The following ORMDL2 variants were observed in gnomAD, a reference collection of about 807,000 sequenced individuals.
ORMDL2 encodes the protein ORM1-like protein 2.
ORMDL2 carries 11 observed loss-of-function variants against 13.5 expected under a neutral mutation model. The ratio of observed to expected loss-of-function variants is 0.82; its 90% CI spans 0.51 to 1.35. The LOEUF (loss-of-function observed/expected upper bound fraction) is 1.35. ORMDL2 is among the 40% of genes most tolerant of loss of function. The probability of loss-of-function intolerance (pLI) is 0.00; values close to 1 mark genes in which losing one functional copy is unlikely to be tolerated. For missense variants in ORMDL2, 160 were observed against 191.1 expected (o/e 0.84, Z 0.96); for synonymous variants, 73 against 76.5 (o/e 0.95, Z 0.24).
chr12:55,821,512 G>C lies in ORMDL2; in HGVS notation c.*1117G>C, dbSNP rs1441949093. On this transcript the variant is annotated 3_prime_UTR_variant, in exon 4 of 4. Coordinates refer to ENST00000243045, the MANE Select transcript of ORMDL2 (RefSeq NM_014182.5). The stretch of plus-strand genomic sequence containing the variant: ...TGTCCAGCCCAGGTCCAGGCCCTAG[G>C]TTCTTTACTCTAGCTACCCCCTATT... 6.5e-6 allele frequency: 1 copy of C among 153,626 alleles called. No individual in the cohort carries two copies. Among genetic ancestry groups the C allele is most frequent in the Non-Finnish European group, 1.5e-5 (1 of 68,850 alleles). The allele number at this position is 153,626 out of a possible 1,614,324, so 9.5% of individuals were successfully genotyped here.
rs1219137583 is a variant in ORMDL2, at chr12:55,818,132, T to TA, written c.-2+22dup. ...TGGCAGGTAGGAGCTGCAAAGACTG[T>TA]AAGGGTTGCTGAGGAAAAATGGTGG... On this transcript the variant is annotated intron_variant, in intron 1 of 3. Coordinates refer to ENST00000243045, the MANE Select transcript of ORMDL2 (RefSeq NM_014182.5). The TA allele has an allele frequency of 4.5e-5, 21 of 469,068 alleles. No individual in the cohort carries two copies. The highest frequency in any genetic ancestry group is 3.6e-4 in the African/African-American group (18 of 50,606). The allele number at this position is 469,068 out of a possible 1,614,324, so 29.1% of individuals were successfully genotyped here.
In ORMDL2 at chr12:55,820,368, T is replaced by G. The variant is rs1880634057; in HGVS notation, c.435T>G (p.Val145=). ...CGAAGTTGCCCCAGTTCCATGGGGT[T>G]CGTGTCTTTGGCATCAACAAATACT... The part of the protein sequence containing the change: ...LLPKLPQFHG[V]RVFGINKY The change falls in exon 4 of 4, where the codon GTT becomes GTG. Residue 145 remains valine (V), a synonymous_variant. Coordinates refer to ENST00000243045, the MANE Select transcript of ORMDL2 (RefSeq NM_014182.5). The G allele has an allele frequency of 1.2e-6, 2 of 1,614,120 alleles. No individual in the cohort carries two copies. Among genetic ancestry groups the G allele is most frequent in the Non-Finnish European group, 1.7e-6 (2 of 1,180,058 alleles).
Position 55,820,057 on chromosome 12 carries a change from T to C in ORMDL2, c.327-203T>C, listed in dbSNP as rs576139170. ...AGAAAGAGCAGGGCACTGTGGTGCATGCCTGGAGTCCCAGCTACTTGGGAG... is the reference window on the plus strand; with the variant it reads ...AGAAAGAGCAGGGCACTGTGGTGCACGCCTGGAGTCCCAGCTACTTGGGAG... On this transcript the variant is annotated intron_variant, in intron 3 of 3. Coordinates refer to ENST00000243045, the MANE Select transcript of ORMDL2 (RefSeq NM_014182.5). 1.2e-4 allele frequency among the ~76,000 whole-genome samples: 19 copies of C among 152,362 alleles called. No individual in the cohort carries two copies. The South Asian group carries it at 3.9e-3, about 32-fold the overall frequency.
chr12:55,820,240 C>G lies in ORMDL2; in HGVS notation c.327-20C>G. Reference sequence around the variant, plus strand: ...ATAGAGAAGGTCAACCTCACTCACCCTATTTTTTTCTCTCCCCAGCTATCT... The same window carrying G: ...ATAGAGAAGGTCAACCTCACTCACCGTATTTTTTTCTCTCCCCAGCTATCT... On this transcript the variant is annotated intron_variant, in intron 3 of 3. Coordinates refer to ENST00000243045, the MANE Select transcript of ORMDL2 (RefSeq NM_014182.5). The G allele has an allele frequency of 1.2e-6, 2 of 1,601,724 alleles. No homozygotes were observed. The highest frequency in any genetic ancestry group is 1.7e-6 in the Non-Finnish European group (2 of 1,170,492).
In ORMDL2 at chr12:55,819,314, C is replaced by A. The variant is rs1460649878; in HGVS notation, c.175-28C>A. The stretch of plus-strand genomic sequence containing the variant: ...TTGACTGAAAAACTACTTTCTGCCC[C>A]TCACACTGCCACCTTCCCTGTTCCC... On this transcript the variant is annotated intron_variant, in intron 2 of 3. Coordinates refer to ENST00000243045, the MANE Select transcript of ORMDL2 (RefSeq NM_014182.5). The A allele has an allele frequency of 1.9e-6, 3 of 1,604,410 alleles. No homozygotes were observed. In the Admixed American group the frequency reaches 5.1e-5, roughly 27 times the overall value.
In ORMDL2 at chr12:55,821,340, C is replaced by T. The variant is rs1592591683; in HGVS notation, c.*945C>T. On this transcript the variant is annotated 3_prime_UTR_variant, in exon 4 of 4. Coordinates refer to ENST00000243045, the MANE Select transcript of ORMDL2 (RefSeq NM_014182.5). ...TATTATATCAGGATAAAGGAGAGGG[C>T]TCCCTCCTGAAATGGGTCAAGAAAG... 6.6e-6 allele frequency: 1 copy of T among 152,606 alleles called. No homozygotes were observed. Among genetic ancestry groups the T allele is most frequent in the East Asian group, 1.9e-4 (1 of 5,198 alleles). The allele number at this position is 152,606 out of a possible 1,614,324, so 9.5% of individuals were successfully genotyped here.
intron 1 of ORMDL2, chr12:55,818,407 T>C: frequency 3.8e-6 from 1 of 259,806 alleles, no homozygotes; most frequent in South Asian, 3.5e-5. Context: ...GAGCCAAGGC[T>C]CCACCTTTCG....
chr12:55,820,356 G>A lies in ORMDL2; in HGVS notation c.423G>A (p.Gln141=). Residue 141 remains glutamine, a synonymous_variant, in exon 4 of 4, where the codon CAG becomes CAA. Transcript: ENST00000243045. ...LLSVLLPKLP[Q]FHGVRVFGIN... ...GTGTACTGCTGCCGAAGTTGCCCCA[G>A]TTCCATGGGGTTCGTGTCTTTGGCA... 6.2e-7 allele frequency: 1 copy of A among 1,614,188 alleles called. No homozygotes were observed. The highest frequency in any genetic ancestry group is 8.5e-7 in the Non-Finnish European group (1 of 1,180,044).
chr12:55,821,289 T>C lies in ORMDL2; in HGVS notation c.*894T>C, dbSNP rs1346180196. ...TGCGATAATCTCCTATCATTAGGGCTACATGCTTTCTTGTTCTCTTTTAAA... is the reference window on the plus strand; with the variant it reads ...TGCGATAATCTCCTATCATTAGGGCCACATGCTTTCTTGTTCTCTTTTAAA... On this transcript the variant is annotated 3_prime_UTR_variant, in exon 4 of 4. Transcript: ENST00000243045. 2.9e-5 allele frequency: 3 copies of C among 103,486 alleles called. No homozygotes were observed. Among genetic ancestry groups the C allele is most frequent in the Admixed American group, 2.3e-4 (2 of 8,798 alleles). The allele number at this position is 103,486 out of a possible 1,614,324, so 6.4% of individuals were successfully genotyped here. A position where few individuals can be genotyped will look rare whatever the true frequency, so the allele number is the denominator to read the frequency against.
In ORMDL2 at chr12:55,820,448, G is replaced by C; in HGVS notation, c.*53G>C. ...GCATGGGGAAGGCACTGAAACAGAG[G>C]ACTATAAAACATCCTTCTCTTATTC... On this transcript the variant is annotated 3_prime_UTR_variant, in exon 4 of 4. Coordinates refer to ENST00000243045, the MANE Select transcript of ORMDL2 (RefSeq NM_014182.5). The C allele has an allele frequency of 2.5e-6, 4 of 1,591,562 alleles. No individual in the cohort carries two copies. Among genetic ancestry groups the C allele is most frequent in the Non-Finnish European group, 3.4e-6 (4 of 1,159,488 alleles).
At position 55,820,430 on chromosome 12, in the gene ORMDL2, G is replaced by C; in HGVS notation, c.*35G>C. 1 of 1,611,132 alleles carries C rather than the reference G, an allele frequency of 6.2e-7. No homozygotes were observed. ...TTTGGGACAGCTCCATGGGCATGGGGAAGGCACTGAAACAGAGGACTATAA... is the reference window on the plus strand; with the variant it reads ...TTTGGGACAGCTCCATGGGCATGGGCAAGGCACTGAAACAGAGGACTATAA... On this transcript the variant is annotated 3_prime_UTR_variant, in exon 4 of 4. Transcript: ENST00000243045.
intron 1 of ORMDL2, 93 bp downstream of exon 1, chr12:55,818,205 G>A (rs1314486363): frequency 7.7e-6 from 3 of 389,054 alleles, no homozygotes; most frequent in Non-Finnish European, 1.6e-5. Flanking sequence ...ACTGAGAGGG[G>A]AGCGCTGAAG....
chr12:55,819,493 TG>T lies in ORMDL2; in HGVS notation c.326+1del. 6.2e-7 allele frequency: 1 copy of T among 1,613,530 alleles called. No homozygotes were observed. Among genetic ancestry groups the T allele is most frequent in the Non-Finnish European group, 8.5e-7 (1 of 1,179,684 alleles). On this transcript the variant is annotated splice_donor_variant, in intron 3 of 3. Transcript: ENST00000243045. LOFTEE classifies it high-confidence loss of function. ...TTCCTCAGCATCTCTCCTATTGTGC[TG>T]TGAGTCTATGGGGGAAATGAGATAT...
intron 2 of ORMDL2, 58 bp from the exon 3 acceptor site, chr12:55,819,284 A>G: frequency 1.3e-6 from 2 of 1,592,040 alleles, no homozygotes; most frequent in East Asian, 2.2e-5. Context: ...TCTTAACATA[A>G]TTCTTTGACT....
intron 1 of ORMDL2, 177 bp downstream of exon 1, chr12:55,818,289 T>C: frequency 5.6e-6 from 1 of 178,444 alleles, no homozygotes; most frequent in South Asian, 4.9e-5. Context: ...GAACTGGCGG[T>C]GGGGCTGGGG....
chr12:55,818,404 G>T, intron 1 of ORMDL2: 2 of 261,408 alleles, frequency 7.7e-6, no homozygotes, highest in Non-Finnish European at 1.5e-5. Context: ...TCAGAGCCAA[G>T]GCTCCACCTT....
In ORMDL2 at chr12:55,820,327, C is replaced by G; in HGVS notation, c.394C>G (p.Leu132Val). Reference protein sequence around the residue: ...AHFLINTASLLSVLLPKLPQF... With the variant: ...AHFLINTASLVSVLLPKLPQF... ...CTTCCTCATCAACACAGCCTCATTG[C>G]TAAGTGTACTGCTGCCGAAGTTGCC... Residue 132 changes from leucine to valine, a missense_variant, in exon 4 of 4, where the codon CTA (leucine) becomes GTA (valine). Physicochemically the swap from Leu to Val is conservative, Grantham distance 32 (BLOSUM62 1). Transcript: ENST00000243045. 1 of 1,614,042 alleles carries G rather than the reference C, an allele frequency of 6.2e-7. No individual in the cohort carries two copies. Among genetic ancestry groups the G allele is most frequent in the Non-Finnish European group, 8.5e-7 (1 of 1,179,936 alleles).
intron 3 of ORMDL2, 66 bp from the exon 4 acceptor site, chr12:55,820,192 CTT>C (rs1016317996): frequency 2.5e-5 from 36 of 1,436,424 alleles, no homozygotes; most frequent in Admixed American, 2.5e-4. Context: ...AGAACTGTCT[CTT>C]AAAAAAAAAA....
intron 1 of ORMDL2, 99 bp from the exon 2 acceptor site, chr12:55,818,900 C>G (rs1303618260): frequency 1.0e-6 from 1 of 994,378 alleles, no homozygotes; most frequent in African/African-American, 1.6e-5. Flanking sequence ...CAATAGAGTT[C>G]AGGGGATTGG....
Sources: allele counts gnomAD v4.1 joint callset (sites outside exome capture counted in the v4.1 genomes callset), GRCh38; gene constraint gnomAD v4.1.1; transcripts MANE v1.5; gene names NCBI Gene and HGNC (gene_info 2026-07-23, HGNC 2026-07-21).